The following TMEM151A variants were observed in gnomAD, a reference collection of about 807,000 sequenced individuals.
The protein encoded by TMEM151A is transmembrane protein 151.
Under a neutral mutation model 33.7 loss-of-function variants are expected in TMEM151A, and 21 were observed. The observed-to-expected ratio is 0.62, with a 90% CI of 0.44 to 0.90. The LOEUF (loss-of-function observed/expected upper bound fraction) is 0.90. TMEM151A is among the 40% of genes least tolerant of loss of function. TMEM151A has a pLI of 0.00. For synonymous variants in TMEM151A, 374 were observed against 330.3 expected (o/e 1.13, Z -1.43); for missense variants, 704 against 697.7 (o/e 1.01, Z -0.10).
At position 66,295,906 on chromosome 11, in the gene TMEM151A, G is replaced by T. The variant is rs369016811; in HGVS notation, c.*253G>T. On this transcript the variant is annotated 3_prime_UTR_variant, in exon 2 of 2. Coordinates refer to ENST00000327259, the MANE Select transcript of TMEM151A (RefSeq NM_153266.4). Reference sequence around the variant, plus strand: ...AGATGGCCGATGATCTGGCCTGAAGGCCTCTCACAAAGGGCAGGAGAAGAA... The same window carrying T: ...AGATGGCCGATGATCTGGCCTGAAGTCCTCTCACAAAGGGCAGGAGAAGAA... 1 of 379,304 alleles carries T rather than the reference G, an allele frequency of 2.6e-6. No individual in the cohort carries two copies. Among genetic ancestry groups the T allele is most frequent in the African/African-American group, 2.1e-5 (1 of 48,074 alleles). 23.5% of individuals were successfully genotyped at this position (379,304 alleles called of 1,614,324 possible).
chr11:66,296,134 T>G lies in TMEM151A; in HGVS notation c.*481T>G, dbSNP rs527271005. Reference sequence around the variant, plus strand: ...TGAAGAGCTGGCTGTGGTGGCACCATGGCCTTGGCCCTGCTACTCACCCAA... The same window carrying G: ...TGAAGAGCTGGCTGTGGTGGCACCAGGGCCTTGGCCCTGCTACTCACCCAA... On this transcript the variant is annotated 3_prime_UTR_variant, in exon 2 of 2. Transcript: ENST00000327259. 3.2e-5 allele frequency: 5 copies of G among 154,444 alleles called. No individual in the cohort carries two copies. The highest frequency in any genetic ancestry group is 1.2e-4 in the African/African-American group (5 of 41,524). The allele number at this position is 154,444 out of a possible 1,614,324, so 9.6% of individuals were successfully genotyped here. A position where few individuals can be genotyped will look rare whatever the true frequency, so the allele number is the denominator to read the frequency against.
In TMEM151A at chr11:66,296,116, C is replaced by T. The variant is rs1590902475; in HGVS notation, c.*463C>T. On this transcript the variant is annotated 3_prime_UTR_variant, in exon 2 of 2. Transcript: ENST00000327259. ...GGTTGGCTTCCCTGGGGCTGAAGAG[C>T]TGGCTGTGGTGGCACCATGGCCTTG... The T allele has an allele frequency of 1.3e-5, 2 of 155,700 alleles. No individual in the cohort carries two copies. Among genetic ancestry groups the T allele is most frequent in the East Asian group, 3.8e-4 (2 of 5,284 alleles). 9.6% of individuals were successfully genotyped at this position (155,700 alleles called of 1,614,324 possible). A position where few individuals can be genotyped will look rare whatever the true frequency, so the allele number is the denominator to read the frequency against.
rs1565190107 is a variant in TMEM151A at position 66,294,538 on chromosome 11, T to C, written c.292T>C (p.Tyr98His). 6.8e-6 allele frequency: 11 copies of C among 1,612,756 alleles called. No homozygotes were observed. Among genetic ancestry groups the C allele is most frequent in the Non-Finnish European group, 9.3e-6 (11 of 1,179,442 alleles). ...TYPASPCSDG[Y>H]LYIPLAFVSL... is the part of the protein sequence containing the mutation. ...CCCGGCCAGCCCCTGCTCCGATGGC[T>C]ACCTGTACATCCCGCTGGCCTTCGT... is the stretch of plus-strand genomic sequence containing the variant. The change falls in exon 2 of 2, where the codon TAC becomes CAC. Residue 98 changes from tyrosine (Y) to histidine (H), a missense_variant. Tyr to His is a moderately conservative substitution (Grantham distance 83). Transcript: ENST00000327259.
rs1451069134 is a variant in TMEM151A, at chr11:66,294,514, C to T, written c.268C>T (p.Pro90Ser). ...RGAGGPPPTY[P>S]ASPCSDGYLY... ...AGCCGGGGGCCCGCCACCGACCTAC[C>T]CGGCCAGCCCCTGCTCCGATGGCTA... The change falls in exon 2 of 2, where the codon CCG becomes TCG. Residue 90 changes from proline (P) to serine (S), a missense_variant. Pro to Ser is a moderately conservative substitution (Grantham distance 74). This residue lies in a region of TMEM151A where 301 missense variants were observed against 323.4 expected (regional missense o/e 0.93). Transcript: ENST00000327259. The T allele has an allele frequency of 6.2e-7, 1 of 1,608,682 alleles. No homozygotes were observed. The highest frequency in any genetic ancestry group is 1.3e-5 in the African/African-American group (1 of 74,854).
At position 66,294,111 on chromosome 11, in the gene TMEM151A, GC is replaced by G. The variant is rs1361145630; in HGVS notation, c.76-210del. Reference sequence around the variant, plus strand: ...CGGCACAGTGGAGGATGGGTTTGGGGCAGCGAGTCCTGGGTTTGAATATGCA... The same window carrying G: ...CGGCACAGTGGAGGATGGGTTTGGGGAGCGAGTCCTGGGTTTGAATATGCA... On this transcript the variant is annotated intron_variant, in intron 1 of 1. Coordinates refer to ENST00000327259, the MANE Select transcript of TMEM151A (RefSeq NM_153266.4). Among the ~76,000 whole-genome samples the G allele has an allele frequency of 3.9e-5, 6 of 152,246 alleles. No homozygotes were observed. In the East Asian group the frequency reaches 1.2e-3, roughly 29 times the overall value.
In TMEM151A at chr11:66,295,701, G is replaced by C; in HGVS notation, c.*48G>C. On this transcript the variant is annotated 3_prime_UTR_variant, in exon 2 of 2. Transcript: ENST00000327259. ...GGCCCCCTCCCCACCATTCCACCAT[G>C]GGCTTAGATGCCCGAGTGATTGTTG... 7.2e-7 allele frequency: 1 copy of C among 1,390,822 alleles called. No homozygotes were observed. The highest frequency in any genetic ancestry group is 9.4e-7 in the Non-Finnish European group (1 of 1,066,512). 86.2% of individuals were successfully genotyped at this position (1,390,822 alleles called of 1,614,324 possible).
chr11:66,294,366 G>A lies in TMEM151A; in HGVS notation c.120G>A (p.Glu40=), dbSNP rs1177120573. 1.2e-6 allele frequency: 2 copies of A among 1,610,900 alleles called. No individual in the cohort carries two copies. The highest frequency in any genetic ancestry group is 8.5e-7 in the Non-Finnish European group (1 of 1,179,918). Residue 40 remains glutamate, a synonymous_variant, in exon 2 of 2, where the codon GAG becomes GAA. Coordinates refer to ENST00000327259, the MANE Select transcript of TMEM151A (RefSeq NM_153266.4). ...KQSLGSSLCR[E]SHWKCLLLTL... ...CCCTGGGAAGCTCCCTGTGCCGCGA[G>A]TCGCACTGGAAGTGCCTGCTCCTCA...
At chr11:66,293,387 C>T (rs1203665306) in intron 1 of TMEM151A, among the ~76,000 whole-genome samples, 4 of 152,098 alleles carry the variant, frequency 2.6e-5, no homozygotes, top group Admixed American at 6.5e-5. Context: ...CCACTTTATC[C>T]CTACCTGCTT....
Position 66,291,909 on chromosome 11 carries a change from C to CCGCTGAGCCGAGCGGA in TMEM151A, c.-101_-86dup, listed in dbSNP as rs1857458811. 3 of 842,972 alleles carry CCGCTGAGCCGAGCGGA rather than the reference C, an allele frequency of 3.6e-6. 1 individual carries two copies. Among genetic ancestry groups the CCGCTGAGCCGAGCGGA allele is most frequent in the Non-Finnish European group, 3.2e-6 (2 of 619,552 alleles). 52.2% of individuals were successfully genotyped at this position (842,972 alleles called of 1,614,324 possible). A position where few individuals can be genotyped will look rare whatever the true frequency, so the allele number is the denominator to read the frequency against. On this transcript the variant is annotated 5_prime_UTR_variant, in exon 1 of 2. Transcript: ENST00000327259. ...CGAGCTCCGCGCACTCCCTCCGCGG[C>CCGCTGAGCCGAGCGGA]CGCTGAGCCGAGCGGACGCCCCCGG...
Position 66,295,071 on chromosome 11 carries a change from C to T in TMEM151A, c.825C>T (p.Asp275=), listed in dbSNP as rs1322885688. The change falls in exon 2 of 2, where the codon GAC becomes GAT. Residue 275 remains aspartate (D), a synonymous_variant. Transcript: ENST00000327259. ...GCGAGTCGCTCATGGTCTTCGCCGA[C>T]CCCCGCAGCCCGCCCTGGTACGCGC... ...DFRESLMVFA[D]PRSPPWYARA... is the part of the protein sequence containing the mutation. 2.0e-5 allele frequency: 32 copies of T among 1,597,876 alleles called. No individual in the cohort carries two copies. The Admixed American group carries it at 4.2e-4, about 21-fold the overall frequency.
chr11:66,295,169 C>T lies in TMEM151A; in HGVS notation c.923C>T (p.Thr308Met). The change falls in exon 2 of 2, where the codon ACG (threonine) becomes ATG (methionine). Residue 308 changes from threonine to methionine, a missense_variant. Physicochemically the swap from Thr to Met is moderately conservative, Grantham distance 81. Around this residue, in one of 3 missense-constraint regions of TMEM151A, gnomAD observed 398 missense variants for 356.0 expected, o/e 1.12. Coordinates refer to ENST00000327259, the MANE Select transcript of TMEM151A (RefSeq NM_153266.4). ...CTGCGCGTCGTGGCCGCCTATGGCA[C>T]GGCTCACGTGCACTACCAGGTGGAG... ...WPLRVVAAYG[T>M]AHVHYQVEKL... The T allele has an allele frequency of 1.9e-6, 3 of 1,585,868 alleles. No individual in the cohort carries two copies. Among genetic ancestry groups the T allele is most frequent in the Non-Finnish European group, 2.6e-6 (3 of 1,170,340 alleles).
chr11:66,295,180 C>T lies in TMEM151A; in HGVS notation c.934C>T (p.His312Tyr). The T allele has an allele frequency of 6.3e-7, 1 of 1,586,710 alleles. No homozygotes were observed. The highest frequency in any genetic ancestry group is 1.1e-5 in the South Asian group (1 of 88,946). The change falls in exon 2 of 2, where the codon CAC becomes TAC. Residue 312 changes from histidine to tyrosine, a missense_variant. His to Tyr is a moderately conservative substitution (Grantham distance 83). Coordinates refer to ENST00000327259, the MANE Select transcript of TMEM151A (RefSeq NM_153266.4). ...GGCCGCCTATGGCACGGCTCACGTG[C>T]ACTACCAGGTGGAGAAGCTCTTTGG... ...VVAAYGTAHV[H>Y]YQVEKLFGAS...
At position 66,295,666 on chromosome 11, in the gene TMEM151A, C is replaced by A. The variant is rs775464809; in HGVS notation, c.*13C>A. On this transcript the variant is annotated 3_prime_UTR_variant, in exon 2 of 2. Transcript: ENST00000327259. ...GGGTGCTCTCTGAGACCCCCCACGGCCCCCAGAGTGGCCCCCTCCCCACCA... is the reference window on the plus strand; with the variant it reads ...GGGTGCTCTCTGAGACCCCCCACGGACCCCAGAGTGGCCCCCTCCCCACCA... 1 of 1,477,922 alleles carries A rather than the reference C, an allele frequency of 6.8e-7. No homozygotes were observed. The highest frequency in any genetic ancestry group is 8.9e-7 in the Non-Finnish European group (1 of 1,117,542). The allele number at this position is 1,477,922 out of a possible 1,614,324, so 91.6% of individuals were successfully genotyped here. A position where few individuals can be genotyped will look rare whatever the true frequency, so the allele number is the denominator to read the frequency against.
At position 66,295,420 on chromosome 11, in the gene TMEM151A, G is replaced by T. The variant is rs900706813; in HGVS notation, c.1174G>T (p.Ala392Ser). 4 of 1,496,548 alleles carry T rather than the reference G, an allele frequency of 2.7e-6. No individual in the cohort carries two copies. The highest frequency in any genetic ancestry group is 3.6e-6 in the Non-Finnish European group (4 of 1,123,922). 92.7% of individuals were successfully genotyped at this position (1,496,548 alleles called of 1,614,324 possible). A position where few individuals can be genotyped will look rare whatever the true frequency, so the allele number is the denominator to read the frequency against. ...TGTCAGCAGCAACTCGCTGCCCCCC[G>T]CCCGGCCCAGCGGGCCCCGCCTGCC... ...RSVSSNSLPP[A>S]RPSGPRLPFS... Residue 392 changes from alanine to serine, a missense_variant, in exon 2 of 2, where the codon GCC (alanine) becomes TCC (serine). Physicochemically the swap from Ala to Ser is moderately conservative, Grantham distance 99. Coordinates refer to ENST00000327259, the MANE Select transcript of TMEM151A (RefSeq NM_153266.4).
rs1366640864 is a variant in TMEM151A, at chr11:66,296,224, A to C, written c.*571A>C. 6.5e-6 allele frequency: 1 copy of C among 153,472 alleles called. No homozygotes were observed. The highest frequency in any genetic ancestry group is 1.5e-5 in the Non-Finnish European group (1 of 68,610). The allele number at this position is 153,472 out of a possible 1,614,324, so 9.5% of individuals were successfully genotyped here. ...GCCCTCTCTCCCGCTGCTCAGGGCC[A>C]GTCACTCCCCCCACATGCAGCTACC... On this transcript the variant is annotated 3_prime_UTR_variant, in exon 2 of 2. Coordinates refer to ENST00000327259, the MANE Select transcript of TMEM151A (RefSeq NM_153266.4).
intron 1 of TMEM151A, among the ~76,000 whole-genome samples, chr11:66,294,010 A>G (rs1039277848): frequency 6.6e-6 from 1 of 152,182 alleles, no homozygotes; most frequent in African/African-American, 2.4e-5. Context: ...AACCCACAAT[A>G]GCCAGTGCAA....
rs1188362175 is a variant in TMEM151A, at chr11:66,296,636, T to C, written c.*983T>C. ...CGGGGAAGGGAGGAGGCTGAGAAGA[T>C]GCAGATTAAATAAAGGTATGGAATG... On this transcript the variant is annotated 3_prime_UTR_variant, in exon 2 of 2. Coordinates refer to ENST00000327259, the MANE Select transcript of TMEM151A (RefSeq NM_153266.4). The C allele has an allele frequency of 6.6e-6, 1 of 152,366 alleles. No individual in the cohort carries two copies. Among genetic ancestry groups the C allele is most frequent in the Non-Finnish European group, 1.5e-5 (1 of 68,092 alleles). 9.4% of individuals were successfully genotyped at this position (152,366 alleles called of 1,614,324 possible).
chr11:66,295,852 A>T lies in TMEM151A; in HGVS notation c.*199A>T. The T allele has an allele frequency of 2.3e-6, 1 of 439,074 alleles. No individual in the cohort carries two copies. Among genetic ancestry groups the T allele is most frequent in the South Asian group, 8.3e-5 (1 of 12,022 alleles). The allele number at this position is 439,074 out of a possible 1,614,324, so 27.2% of individuals were successfully genotyped here. A position where few individuals can be genotyped will look rare whatever the true frequency, so the allele number is the denominator to read the frequency against. On this transcript the variant is annotated 3_prime_UTR_variant, in exon 2 of 2. Coordinates refer to ENST00000327259, the MANE Select transcript of TMEM151A (RefSeq NM_153266.4). ...ATTTTGGAGGAAGTGGAAGCCTAAG[A>T]ATCGCCCCCAGCATGGCTTCATCCC...
In TMEM151A at chr11:66,295,025, A is replaced by T. The variant is rs573113242; in HGVS notation, c.779A>T (p.His260Leu). ...DDYLEAREGMHLKDVDFRESL... is the reference protein window; with the variant it reads ...DDYLEAREGMLLKDVDFRESL... ...TATCTGGAGGCGCGCGAGGGCATGCACCTGAAGGACGTAGACTTCCGCGAG... is the reference window on the plus strand; with the variant it reads ...TATCTGGAGGCGCGCGAGGGCATGCTCCTGAAGGACGTAGACTTCCGCGAG... Residue 260 changes from histidine (H) to leucine (L), a missense_variant, in exon 2 of 2, where the codon CAC (histidine) becomes CTC (leucine). Coordinates refer to ENST00000327259, the MANE Select transcript of TMEM151A (RefSeq NM_153266.4). The T allele has an allele frequency of 4.9e-5, 78 of 1,598,726 alleles. 1 individual carries two copies. In the Admixed American group the frequency reaches 1.3e-3, roughly 26 times the overall value.
Sources: gnomAD v4.1 joint callset for allele counts (sites outside exome capture counted in the v4.1 genomes callset) on GRCh38, gnomAD v4.1.1 for gene constraint, gnomAD v4.1.1 regional missense constraint, MANE v1.5 for transcripts, NCBI Gene and HGNC (gene_info 2026-07-23, HGNC 2026-07-21) for gene names.